The following DOCK10 variants were observed in gnomAD, a reference collection of about 807,000 sequenced individuals.
The protein encoded by DOCK10 is dedicator of cytokinesis protein 10.
DOCK10 carries 145 observed loss-of-function variants against 280.1 expected under a neutral mutation model. That is an observed-to-expected ratio of 0.52 (90% CI 0.45 to 0.59). DOCK10 has a LOEUF of 0.59. DOCK10 is among the 20% of genes least tolerant of loss of function. The pLI is 0.00. For synonymous variants in DOCK10, 915 were observed against 942.2 expected (o/e 0.97, Z 0.53); for missense variants, 2,368 against 2,651.7 (o/e 0.89, Z 2.35).
chr2:224,982,491 C>T (rs1705801528), intron 1 of DOCK10: 7 of 1,227,170 alleles, frequency 5.7e-6, no homozygotes, highest in Non-Finnish European at 6.1e-6. Context: ...CAATCACTTC[C>T]TTGAGCTCTG....
chr2:224,776,996 C>T (rs1404248761), intron 51 of DOCK10, among the ~76,000 whole-genome samples: 1 of 152,190 alleles, frequency 6.6e-6, no homozygotes, highest in Non-Finnish European at 1.5e-5. Context: ...ACAGGTCCTT[C>T]TCTTCTTAGC....
At chr2:224,969,923 G>A (rs1037722290) in intron 1 of DOCK10, among the ~76,000 whole-genome samples, 9 of 152,150 alleles carry the variant, frequency 5.9e-5, no homozygotes, top group Non-Finnish European at 5.9e-5. Context: ...TGCTCGAGGA[G>A]CCTCTTCCTT....
chr2:224,960,826 G>A (rs962363312), intron 1 of DOCK10, among the ~76,000 whole-genome samples: 17 of 126,258 alleles, frequency 1.3e-4, no homozygotes, highest in Non-Finnish European at 2.4e-4. Context: ...TGCAAGCTCC[G>A]CCTCCCGGGT....
Position 224,917,208 on chromosome 2 carries a change from C to T in DOCK10, c.244-424G>A, listed in dbSNP as rs546714002. ...GCAACCTCCGCCTCCCAGGTTCAAG[C>T]GATTCTCCTGTTGCAGCCTCCCTAG... is the stretch of plus-strand genomic sequence containing the variant. On this transcript the variant is annotated intron_variant, in intron 2 of 55. Coordinates refer to ENST00000258390, the MANE Select transcript of DOCK10 (RefSeq NM_014689.3). Among the ~76,000 whole-genome samples, 43 of 145,110 alleles carry T rather than the reference C, an allele frequency of 3.0e-4. No homozygotes were observed. In the South Asian group the frequency reaches 5.9e-3, roughly 20 times the overall value.
intron 7 of DOCK10, 104 bp downstream of exon 7, chr2:224,885,567 A>C: frequency 3.4e-6 from 4 of 1,176,036 alleles, no homozygotes; most frequent in Non-Finnish European, 4.5e-6. Context: ...AATTCTTAGA[A>C]TCTAGAGCAG....
At chr2:224,947,911 A>T (rs1703518764) in intron 1 of DOCK10, among the ~76,000 whole-genome samples, 1 of 152,198 alleles carries the variant, frequency 6.6e-6, no homozygotes, top group South Asian at 2.1e-4. Context: ...TATATTAGTT[A>T]AATATATGTT....
chr2:224,994,725 T>A (rs531219646), intron 1 of DOCK10, among the ~76,000 whole-genome samples: 23 of 152,342 alleles, frequency 1.5e-4, no homozygotes, highest in African/African-American at 5.3e-4. Flanking sequence ...TATGTTATTC[T>A]TCTACTCACT....
chr2:224,960,611 T>C lies in DOCK10; in HGVS notation c.124-28943A>G, dbSNP rs1704308205. ...CCCTTTCCTTCTAAATACCCTTCCA[T>C]GCAACTTTATCATGATTTTACTAAC... On this transcript the variant is annotated intron_variant, in intron 1 of 55. Transcript: ENST00000258390. Among the ~76,000 whole-genome samples, 3 of 152,004 alleles carry C rather than the reference T, an allele frequency of 2.0e-5. No homozygotes were observed. The South Asian group carries it at 6.2e-4, about 32-fold the overall frequency.
intron 30 of DOCK10, 40 bp from the exon 31 acceptor site, chr2:224,814,404 T>C (rs1002470023): frequency 1.7e-6 from 2 of 1,145,808 alleles, no homozygotes; most frequent in East Asian, 2.7e-5. Flanking sequence ...TATATACATA[T>C]ACATACTCAG....
intron 47 of DOCK10, among the ~76,000 whole-genome samples, chr2:224,789,991 G>A (rs1462441879): frequency 6.6e-6 from 1 of 152,120 alleles, no homozygotes; most frequent in Non-Finnish European, 1.5e-5. Flanking sequence ...ATGTTGGCTA[G>A]GCTGGTCTTA....
At chr2:224,841,725 C>T (rs1254706433) in intron 23 of DOCK10, 79 bp downstream of exon 23, 8 of 855,266 alleles carry the variant, frequency 9.4e-6, no homozygotes, top group Admixed American at 1.9e-5. Flanking sequence ...CCCAGTTTGC[C>T]CATCGGTGGA....
intron 1 of DOCK10, among the ~76,000 whole-genome samples, chr2:225,015,074 A>G (rs1280102444): frequency 6.6e-6 from 1 of 152,222 alleles, no homozygotes; most frequent in African/African-American, 2.4e-5. Flanking sequence ...TCCTGGGAAC[A>G]GGAGGATGGG....
At chr2:225,017,737 G>T (rs569854926) in intron 1 of DOCK10, among the ~76,000 whole-genome samples, 1 of 150,170 alleles carries the variant, frequency 6.7e-6, no homozygotes, top group Admixed American at 6.6e-5. Flanking sequence ...AGGAAATGCT[G>T]GCCTTGCTGA....
chr2:224,874,779 T>C (rs1698518625), intron 8 of DOCK10, 28 bp from the exon 9 acceptor site: 3 of 1,590,096 alleles, frequency 1.9e-6, no homozygotes, highest in Admixed American at 1.7e-5. Flanking sequence ...AGTCAGGTTA[T>C]TAAATATTAC....
rs770965513 is a variant in DOCK10, at chr2:224,765,736, A to G, written c.6546T>C (p.Ser2182=). 19 of 1,613,408 alleles carry G rather than the reference A, an allele frequency of 1.2e-5. No homozygotes were observed. The highest frequency in any genetic ancestry group is 1.5e-5 in the Non-Finnish European group (18 of 1,179,498). The change falls in exon 56 of 56, where the codon TCT becomes TCC. Residue 2182 remains serine, a synonymous_variant. Coordinates refer to ENST00000258390, the MANE Select transcript of DOCK10 (RefSeq NM_014689.3). ...TGCAGAGCCCTCAGACTTCAGCACT[A>G]GATGAGATGGAGACCGTGGGTAGGG... is the stretch of plus-strand genomic sequence containing the variant. The part of the protein sequence containing the change: ...TPALPTVSIS[S]SAEV
At chr2:225,035,626 G>GT (rs1283847562) in intron 1 of DOCK10, among the ~76,000 whole-genome samples, 5 of 117,682 alleles carry the variant, frequency 4.2e-5, no homozygotes, top group African/African-American at 2.3e-4. Context: ...GTATTAGTCA[G>GT]TGCGGGCTGC....
chr2:224,841,466 T>A (rs1695961651), intron 23 of DOCK10, among the ~76,000 whole-genome samples: 1 of 152,194 alleles, frequency 6.6e-6, no homozygotes, highest in African/African-American at 2.4e-5. Flanking sequence ...GTAGCCCACC[T>A]TTATCTGGCT....
chr2:224,869,332 T>G (rs1698121343), intron 11 of DOCK10, among the ~76,000 whole-genome samples: 1 of 152,226 alleles, frequency 6.6e-6, no homozygotes, highest in South Asian at 2.1e-4. Context: ...ATCATGAGGA[T>G]GTTATTTCAG....
At chr2:224,960,802 C>A (rs983125648) in intron 1 of DOCK10, among the ~76,000 whole-genome samples, 93 of 135,166 alleles carry the variant, frequency 6.9e-4, no homozygotes, top group African/African-American at 2.6e-3. Flanking sequence ...TGCAGTGGCG[C>A]TATCTCGACT....
Sources: allele counts gnomAD v4.1 joint callset (sites outside exome capture counted in the v4.1 genomes callset), GRCh38; gene constraint gnomAD v4.1.1; transcripts MANE v1.5; gene names NCBI Gene and HGNC (gene_info 2026-07-23, HGNC 2026-07-21).